Variants in STXBP6 observed in about 807,000 individuals in gnomAD.
The protein encoded by STXBP6 is syntaxin binding protein 6.
STXBP6 carries 21 observed loss-of-function variants against 26.9 expected under a neutral mutation model. The ratio of observed to expected loss-of-function variants is 0.78; its 90% CI spans 0.55 to 1.12. STXBP6 has a LOEUF of 1.12. Among genes scored for constraint, STXBP6 ranks in the 50% most tolerant of loss-of-function variants. The pLI is 0.00. For synonymous variants in STXBP6, 97 were observed against 92.6 expected (o/e 1.05, Z -0.27); for missense variants, 232 against 257.9 (o/e 0.90, Z 0.69).
chr14:24,862,891 A>C (rs1183510578), intron 2 of STXBP6, among the ~76,000 whole-genome samples: 2 of 152,174 alleles, frequency 1.3e-5, no homozygotes, highest in African/African-American at 4.8e-5. Context: ...CCAACTTTGC[A>C]GGCGGTACTA....
At chr14:24,858,146 C>T (rs532617440) in intron 2 of STXBP6, among the ~76,000 whole-genome samples, 70 of 152,240 alleles carry the variant, frequency 4.6e-4, no homozygotes, top group African/African-American at 1.7e-3. Flanking sequence ...AGATTCCACA[C>T]TTTCGAATAA....
intron 4 of STXBP6, among the ~76,000 whole-genome samples, chr14:24,844,384 CT>C (rs2068878945): frequency 6.6e-6 from 1 of 152,192 alleles, no homozygotes; most frequent in Non-Finnish European, 1.5e-5. Context: ...TCATGGGAAC[CT>C]CCAATTTGTA....
intron 1 of STXBP6, among the ~76,000 whole-genome samples, chr14:25,012,617 C>A (rs2075056664): frequency 6.6e-6 from 1 of 152,040 alleles, no homozygotes; most frequent in Admixed American, 6.6e-5. Context: ...AAAAAACAAA[C>A]AAACAAACAA....
At chr14:24,846,296 T>C (rs2068959472) in intron 4 of STXBP6, among the ~76,000 whole-genome samples, 1 of 152,220 alleles carries the variant, frequency 6.6e-6, no homozygotes, top group African/African-American at 2.4e-5. Flanking sequence ...CATTATTCTA[T>C]GTAGAATAGC....
chr14:25,029,175 C>A (rs2075404343), intron 1 of STXBP6, among the ~76,000 whole-genome samples: 1 of 152,144 alleles, frequency 6.6e-6, no homozygotes. Context: ...AGAAGTTCTA[C>A]AGTGGGTAAA....
intron 1 of STXBP6, among the ~76,000 whole-genome samples, chr14:25,002,359 C>CTTT (rs747010332): frequency 7.4e-5 from 9 of 121,362 alleles, no homozygotes; most frequent in African/African-American, 2.4e-4. Flanking sequence ...ATTCTTATGA[C>CTTT]TTTTTTTTTT....
intron 1 of STXBP6, among the ~76,000 whole-genome samples, chr14:25,005,544 T>C (rs2074870909): frequency 1.3e-5 from 2 of 152,202 alleles, no homozygotes; most frequent in South Asian, 2.1e-4. Context: ...CAAATGCAGA[T>C]GTACAAAAAG....
chr14:24,968,270 C>T lies in STXBP6; in HGVS notation c.154+6395G>A, dbSNP rs112783631. Among the ~76,000 whole-genome samples, 92 of 150,722 alleles carry T rather than the reference C, an allele frequency of 6.1e-4. 1 individual carries two copies. The highest frequency in any genetic ancestry group is 2.1e-3 in the African/African-American group (87 of 41,062). On this transcript the variant is annotated intron_variant, in intron 2 of 5. Transcript: ENST00000323944. ...CCTCTGACTTCAGTGTGAATTTCTT[C>T]GTTTTTCCTGGATAAAAACTCTTGA...
At chr14:24,816,904 A>G (rs1010350326) in intron 5 of STXBP6, 1 of 152,174 alleles carries the variant, frequency 6.6e-6, no homozygotes, top group Non-Finnish European at 1.5e-5. Context: ...GTGACTGAAT[A>G]GGGCAGGGTC....
At chr14:24,897,262 T>G (rs1224422765) in intron 2 of STXBP6, among the ~76,000 whole-genome samples, 1 of 151,506 alleles carries the variant, frequency 6.6e-6, no homozygotes, top group African/African-American at 2.4e-5. Flanking sequence ...TACATAAAAT[T>G]AGCCAGGCGT....
At chr14:25,007,979 G>C (rs2074941250) in intron 1 of STXBP6, among the ~76,000 whole-genome samples, 1 of 152,098 alleles carries the variant, frequency 6.6e-6, no homozygotes, top group African/African-American at 2.4e-5. Flanking sequence ...ACATCTGCAG[G>C]CCTGGCTCAC....
chr14:24,847,740 T>C (rs2069012435), intron 4 of STXBP6, among the ~76,000 whole-genome samples: 1 of 152,150 alleles, frequency 6.6e-6, no homozygotes, highest in African/African-American at 2.4e-5. Context: ...ATATTTCCAT[T>C]CTCTTGTAAA....
chr14:25,018,027 C>T lies in STXBP6; in HGVS notation c.-33+31851G>A, dbSNP rs150033398. Among the ~76,000 whole-genome samples, 51 of 152,328 alleles carry T rather than the reference C, an allele frequency of 3.3e-4. No individual in the cohort carries two copies. In the East Asian group the frequency reaches 8.5e-3, roughly 25 times the overall value. The stretch of plus-strand genomic sequence containing the variant: ...TCAAGTAAGCAATCACAAGACTTCT[C>T]TATAACACACCATACACTGCCCCCC... On this transcript the variant is annotated intron_variant, in intron 1 of 5. Transcript: ENST00000323944.
chr14:25,024,252 T>G (rs552368601), intron 1 of STXBP6, among the ~76,000 whole-genome samples: 1 of 151,700 alleles, frequency 6.6e-6, no homozygotes, highest in African/African-American at 2.4e-5. Flanking sequence ...GAGGTTGCAG[T>G]GAGCCGAGAT....
intron 2 of STXBP6, among the ~76,000 whole-genome samples, chr14:24,863,223 G>T (rs2069605015): frequency 6.6e-6 from 1 of 152,078 alleles, no homozygotes; most frequent in South Asian, 2.1e-4. Context: ...CCACGATATG[G>T]TTTTATTATA....
rs1243412543 is a variant in STXBP6, at chr14:25,036,096, TA to T, written c.-33+13781del. On this transcript the variant is annotated intron_variant, in intron 1 of 5. Transcript: ENST00000323944. Reference sequence around the variant, plus strand: ...AGCCAGACATGGTGGCGTGTGCCTATAATCCCAGCTACTCAGGAGGCTGAGA... The same window carrying T: ...AGCCAGACATGGTGGCGTGTGCCTATATCCCAGCTACTCAGGAGGCTGAGA... Among the ~76,000 whole-genome samples, 13 of 151,076 alleles carry T rather than the reference TA, an allele frequency of 8.6e-5. No individual in the cohort carries two copies. In the South Asian group the frequency reaches 1.9e-3, roughly 22 times the overall value.
At chr14:24,837,885 G>T (rs951918039) in intron 4 of STXBP6, among the ~76,000 whole-genome samples, 1 of 152,166 alleles carries the variant, frequency 6.6e-6, no homozygotes, top group Admixed American at 6.5e-5. Context: ...GTGAGCTGTG[G>T]ATGGCTGGAA....
chr14:25,021,451 C>T lies in STXBP6; in HGVS notation c.-33+28427G>A, dbSNP rs74037463. Among the ~76,000 whole-genome samples the T allele has an allele frequency of 5.7e-3, 872 of 152,268 alleles. 9 individuals are homozygous for T. Among genetic ancestry groups the T allele is most frequent in the African/African-American group, 0.02 (829 of 41,550 alleles). On this transcript the variant is annotated intron_variant, in intron 1 of 5. Coordinates refer to ENST00000323944, the MANE Select transcript of STXBP6 (RefSeq NM_001394410.1). The stretch of plus-strand genomic sequence containing the variant: ...AGTTACTGCCTTATTTATCAGTTTC[C>T]CGTTACAGGAAAAATAGAAGAATAG...
rs71121808 is a variant in STXBP6, at chr14:24,976,852, CTTTTTTTTTTTT to C, written c.-32-2014_-32-2003del. ...CAAAGTCCTGAGCTGACTGGGCGCT[CTTTTTTTTTTTT>C]TTTTTTTTTTTTTTTTGAGGCAGAG... On this transcript the variant is annotated intron_variant, in intron 1 of 5. Coordinates refer to ENST00000323944, the MANE Select transcript of STXBP6 (RefSeq NM_001394410.1). 4.4e-4 allele frequency among the ~76,000 whole-genome samples: 20 copies of C among 45,276 alleles called. 1 individual carries two copies. The highest frequency in any genetic ancestry group is 1.6e-3 in the African/African-American group (14 of 8,900). 29.7% of individuals were successfully genotyped at this position (45,276 alleles called of 152,430 possible).
Sources: gnomAD v4.1 joint callset for allele counts (sites outside exome capture counted in the v4.1 genomes callset) on GRCh38, gnomAD v4.1.1 for gene constraint, MANE v1.5 for transcripts, NCBI Gene and HGNC (gene_info 2026-07-23, HGNC 2026-07-21) for gene names.